MARK4: variants seen among roughly 807,000 people sequenced by gnomAD.
MARK4 encodes the protein microtubule affinity regulating kinase 4.
MARK4 carries 19 observed loss-of-function variants against 81.5 expected under a neutral mutation model. That is an observed-to-expected ratio of 0.23 (90% CI 0.16 to 0.34). MARK4 has a LOEUF of 0.34. Ranked by LOEUF, MARK4 falls within the 10% of genes least tolerant of loss-of-function variation. The probability of loss-of-function intolerance (pLI) is 1.00; values close to 1 mark genes in which losing one functional copy is unlikely to be tolerated. For missense variants in MARK4, 772 were observed against 1,058.8 expected (o/e 0.73, Z 3.76); for synonymous variants, 436 against 439.0 (o/e 0.99, Z 0.08).
At position 45,271,349 on chromosome 19, in the gene MARK4, G is replaced by A. The variant is rs1156327003; in HGVS notation, c.550-123G>A. On this transcript the variant is annotated intron_variant, in intron 7 of 16. Transcript: ENST00000262891. The surrounding 1 kb of genome is among the most constrained non-coding windows in gnomAD (Gnocchi z 4.1). Reference sequence around the variant, plus strand: ...ACCTAAGGTCAGGTAGAGAGTAAAGGACAGGCCCAAGAGTTGATCCCTGTG... The same window carrying A: ...ACCTAAGGTCAGGTAGAGAGTAAAGAACAGGCCCAAGAGTTGATCCCTGTG... 2.2e-6 allele frequency: 2 copies of A among 894,440 alleles called. No homozygotes were observed. The highest frequency in any genetic ancestry group is 3.5e-6 in the Non-Finnish European group (2 of 565,604). The allele number at this position is 894,440 out of a possible 1,614,324, so 55.4% of individuals were successfully genotyped here.
chr19:45,302,624 CG>C lies in MARK4; in HGVS notation c.2177del (p.Gly726GlufsTer130), dbSNP rs1568506178. On this transcript the variant is annotated frameshift_variant, in exon 17 of 17. Coordinates refer to ENST00000262891, the MANE Select transcript of MARK4 (RefSeq NM_001199867.2). LOFTEE classifies it high-confidence loss of function. The surrounding 1 kb of genome is among the most constrained non-coding windows in gnomAD (Gnocchi z 4.9). ...CTGCCAGCTGCCCCGGCCAGGCTTG[CG>C]GGGAGTTCTCTTCCGCCGTGTGGCG... is the stretch of plus-strand genomic sequence containing the variant. Reference protein sequence around the residue: ...EVCQLPRPGLRGVLFRRVAGT... With the variant: ...EVCQLPRPGLXGVLFRRVAGT... 1 of 1,549,418 alleles carries C rather than the reference CG, an allele frequency of 6.5e-7. No homozygotes were observed. Among genetic ancestry groups the C allele is most frequent in the Admixed American group, 1.9e-5 (1 of 51,652 alleles).
rs149453902 is a variant in MARK4 at position 45,264,766 on chromosome 19, C to T, written c.421+17C>T. 1.2e-6 allele frequency: 2 copies of T among 1,614,026 alleles called. No homozygotes were observed. The highest frequency in any genetic ancestry group is 4.5e-5 in the East Asian group (2 of 44,886). ...CAAGTGCTGGTGAGCCGCCCACCCT[C>T]TCCGCCCTGCCCCTGTGCCACCTCC... On this transcript the variant is annotated intron_variant, in intron 5 of 16. Transcript: ENST00000262891.
Position 45,280,111 on chromosome 19 carries a change from G to A in MARK4, c.1007-263G>A, listed in dbSNP as rs1042725356. The stretch of plus-strand genomic sequence containing the variant: ...TGCCTGTAATCCCAGCACTTTGGGA[G>A]GCCCAGGTGGGTGGATTGCTTGTGC... On this transcript the variant is annotated intron_variant, in intron 10 of 16. Coordinates refer to ENST00000262891, the MANE Select transcript of MARK4 (RefSeq NM_001199867.2). 11 of 407,656 alleles carry A rather than the reference G, an allele frequency of 2.7e-5. No individual in the cohort carries two copies. In the Admixed American group the frequency reaches 4.1e-4, roughly 15 times the overall value. The allele number at this position is 407,656 out of a possible 1,614,324, so 25.3% of individuals were successfully genotyped here.
At chr19:45,273,367 G>C (rs73036567) in intron 8 of MARK4, among the ~76,000 whole-genome samples, 7,751 of 152,214 alleles carry the variant, frequency 0.051, 301 homozygotes, top group African/African-American at 0.11. Context: ...CCCTAAAGGC[G>C]AGAGCGGGTT....
At chr19:45,276,686 C>T (rs1970602130) in intron 8 of MARK4, among the ~76,000 whole-genome samples, 1 of 143,266 alleles carries the variant, frequency 7.0e-6, no homozygotes, top group Non-Finnish European at 1.5e-5. Flanking sequence ...AGTGCAGTGG[C>T]GCAGTCTCGG....
chr19:45,257,925 G>A (rs553970173), intron 1 of MARK4, among the ~76,000 whole-genome samples: 3 of 149,950 alleles, frequency 2.0e-5, no homozygotes, highest in African/African-American at 4.9e-5. Context: ...TCCTGACCTC[G>A]TGATCTGCCC....
chr19:45,261,691 T>C (rs1350327453), intron 2 of MARK4, among the ~76,000 whole-genome samples: 1 of 152,124 alleles, frequency 6.6e-6, no homozygotes, highest in East Asian at 1.9e-4. Flanking sequence ...CCCAGCACCT[T>C]GGGAGGCTCA....
chr19:45,276,086 G>A (rs902106193), intron 8 of MARK4, among the ~76,000 whole-genome samples: 2 of 152,154 alleles, frequency 1.3e-5, no homozygotes, highest in African/African-American at 4.8e-5. Flanking sequence ...GAGGGCAGTG[G>A]TGCAGTCACA....
At position 45,251,545 on chromosome 19, in the gene MARK4, GC is replaced by G. The variant is rs752470374; in HGVS notation, c.-36del. 15 of 147,830 alleles carry G rather than the reference GC, an allele frequency of 1.0e-4. No individual in the cohort carries two copies. Among genetic ancestry groups the G allele is most frequent in the Admixed American group, 4.5e-4 (3 of 6,616 alleles). 9.2% of individuals were successfully genotyped at this position (147,830 alleles called of 1,614,324 possible). ...GAAGAGAGGGGACCCTGGGACCCCC[GC>G]CCCCCCCACCCGGCCGCCCCTGCCC... is the stretch of plus-strand genomic sequence containing the variant. On this transcript the variant is annotated 5_prime_UTR_variant, in exon 1 of 17. Coordinates refer to ENST00000262891, the MANE Select transcript of MARK4 (RefSeq NM_001199867.2).
intron 10 of MARK4, chr19:45,280,144 T>A: frequency 2.3e-6 from 1 of 428,952 alleles, no homozygotes; most frequent in Non-Finnish European, 4.3e-6. Context: ...TGCCCAGGAG[T>A]TTCAAACCAG....
intron 8 of MARK4, among the ~76,000 whole-genome samples, chr19:45,272,875 G>A (rs149470961): frequency 0.016 from 2,387 of 152,242 alleles, 66 homozygotes; most frequent in African/African-American, 0.054. Flanking sequence ...GCGACAGAGC[G>A]AGACTCTGTC....
At chr19:45,254,104 C>T (rs868521867) in intron 1 of MARK4, among the ~76,000 whole-genome samples, 1 of 152,174 alleles carries the variant, frequency 6.6e-6, no homozygotes, top group East Asian at 1.9e-4. Flanking sequence ...ACCATGGCTA[C>T]AGCCACGTGG....
At chr19:45,293,674 G>T (rs552595449) in intron 13 of MARK4, among the ~76,000 whole-genome samples, 17 of 152,270 alleles carry the variant, frequency 1.1e-4, no homozygotes, top group Non-Finnish European at 2.2e-4. Context: ...GAAAAAGAGG[G>T]CTCTCTTCCT....
intron 4 of MARK4, among the ~76,000 whole-genome samples, chr19:45,263,571 G>T (rs1322513943): frequency 6.6e-6 from 1 of 151,954 alleles, no homozygotes; most frequent in African/African-American, 2.4e-5. Flanking sequence ...GTGAAACTCT[G>T]TCTCTACTGA....
intron 7 of MARK4, among the ~76,000 whole-genome samples, chr19:45,269,334 G>A (rs545189849): frequency 2.6e-5 from 4 of 152,208 alleles, no homozygotes; most frequent in East Asian, 1.9e-4. Context: ...AGCCGAGATC[G>A]TGCCACTGCA....
At chr19:45,268,599 A>G (rs545259253) in intron 7 of MARK4, among the ~76,000 whole-genome samples, 3 of 151,048 alleles carry the variant, frequency 2.0e-5, no homozygotes, top group Admixed American at 1.3e-4. Flanking sequence ...AAAAAAAAAG[A>G]AAAAAAATTA....
chr19:45,287,714 A>AT, intron 13 of MARK4, 50 bp downstream of exon 13: 1 of 1,564,466 alleles, frequency 6.4e-7, no homozygotes, highest in Non-Finnish European at 8.7e-7. Flanking sequence ...CCTGGGCCAC[A>AT]TTCCTCAGGC....
At position 45,302,233 on chromosome 19, in the gene MARK4, C is replaced by T. The variant is rs1018922815; in HGVS notation, c.1923-141C>T. The T allele has an allele frequency of 9.1e-6, 14 of 1,531,272 alleles. No homozygotes were observed. In the East Asian group the frequency reaches 1.4e-4, roughly 15 times the overall value. The allele number at this position is 1,531,272 out of a possible 1,614,324, so 94.9% of individuals were successfully genotyped here. On this transcript the variant is annotated intron_variant, in intron 16 of 16. Transcript: ENST00000262891. This position sits in a 1 kb window ranked among gnomAD's most constrained non-coding sequence, Gnocchi z 4.9. ...TGGGCAGCTCTGTATCCAGTTGAAACTGTCGCTGGGGTAACAGGGGAAGAT... is the reference window on the plus strand; with the variant it reads ...TGGGCAGCTCTGTATCCAGTTGAAATTGTCGCTGGGGTAACAGGGGAAGAT...
chr19:45,273,573 T>C (rs1459814758), intron 8 of MARK4, among the ~76,000 whole-genome samples: 1 of 152,224 alleles, frequency 6.6e-6, no homozygotes, highest in Non-Finnish European at 1.5e-5. Flanking sequence ...CGCCATCTCT[T>C]GTGTCTCCTT....
Sources: gnomAD v4.1 joint callset for allele counts (sites outside exome capture counted in the v4.1 genomes callset) on GRCh38, gnomAD v4.1.1 for gene constraint, Gnocchi (gnomAD v3.1) non-coding constraint, MANE v1.5 for transcripts, NCBI Gene and HGNC (gene_info 2026-07-23, HGNC 2026-07-21) for gene names.